The following WLS variants were observed in gnomAD, a reference collection of about 807,000 sequenced individuals.
The protein encoded by WLS is Wnt ligand secretion mediator, also known as protein wntless homolog.
Under a neutral mutation model 62.8 loss-of-function variants are expected in WLS, and 23 were observed. The ratio of observed to expected loss-of-function variants is 0.37; its 90% CI spans 0.26 to 0.52. The LOEUF (loss-of-function observed/expected upper bound fraction) is 0.52, where lower values mean the gene tolerates loss of function less well. WLS is among the 20% of genes least tolerant of loss of function. WLS has a pLI of 0.92. For synonymous variants in WLS, 246 were observed against 244.1 expected (o/e 1.01, Z -0.07); for missense variants, 615 against 697.3 (o/e 0.88, Z 1.33).
intron 11 of WLS, among the ~76,000 whole-genome samples, chr1:68,104,407 C>T (rs1287058144): frequency 1.3e-5 from 2 of 152,172 alleles, no homozygotes; most frequent in African/African-American, 4.8e-5. Context: ...CTGAATATCA[C>T]ATTTGCTCTG....
intron 11 of WLS, among the ~76,000 whole-genome samples, chr1:68,106,716 CTGTGTGTGTGTGTG>C (rs59601112): frequency 4.1e-5 from 6 of 146,712 alleles, no homozygotes; most frequent in South Asian, 2.2e-4. Context: ...GTGTTTGTCA[CTGTGTGTGTGTGTG>C]TGTGTGTGTG....
intron 11 of WLS, chr1:68,099,756 G>C (rs1464074812): frequency 6.6e-6 from 1 of 152,082 alleles, no homozygotes. Flanking sequence ...GTTGGGTGCG[G>C]AACCTGCGGA....
chr1:68,195,274 T>G (rs1182882987), intron 1 of WLS, among the ~76,000 whole-genome samples: 2 of 152,208 alleles, frequency 1.3e-5, no homozygotes, highest in Non-Finnish European at 2.9e-5. Flanking sequence ...CTCTCTCATT[T>G]TTAGTTGTGT....
chr1:68,199,661 G>A (rs1055856429), intron 1 of WLS, among the ~76,000 whole-genome samples: 1 of 152,150 alleles, frequency 6.6e-6, no homozygotes, highest in Non-Finnish European at 1.5e-5. Context: ...TTCTACTAGA[G>A]TGCCTTGGCC....
intron 5 of WLS, among the ~76,000 whole-genome samples, chr1:68,151,378 GA>G (rs954284267): frequency 6.6e-6 from 1 of 152,160 alleles, no homozygotes; most frequent in African/African-American, 2.4e-5. Flanking sequence ...AATTTATCTT[GA>G]AGAGACTTTT....
rs1646294319 is a variant in WLS at position 68,116,559 on chromosome 1, C to T, written c.1511-17806G>A. On this transcript the variant is annotated intron_variant, in intron 11 of 11. Transcript: ENST00000354777. ...CAAGCTCTCTGTGCCAACAATTGTG[C>T]CTACCTCATAGGATTCATTTAAGGA... 2.0e-5 allele frequency among the ~76,000 whole-genome samples: 3 copies of T among 152,220 alleles called. No homozygotes were observed. In the East Asian group the frequency reaches 5.8e-4, roughly 29 times the overall value.
At chr1:68,112,105 T>A (rs943637531) in intron 11 of WLS, among the ~76,000 whole-genome samples, 6 of 152,210 alleles carry the variant, frequency 3.9e-5, no homozygotes, top group Non-Finnish European at 4.4e-5. Flanking sequence ...TTGAGCCAAC[T>A]GGGTCAGCGC....
At chr1:68,183,600 C>T in intron 2 of WLS, 1 of 524,044 alleles carries the variant, frequency 1.9e-6, no homozygotes, top group Non-Finnish European at 3.9e-6. Context: ...TCACCCATCA[C>T]CATTGTAGAT....
intron 6 of WLS, among the ~76,000 whole-genome samples, chr1:68,148,913 C>T (rs971080834): frequency 2.6e-5 from 4 of 152,040 alleles, no homozygotes; most frequent in African/African-American, 9.7e-5. Flanking sequence ...GAACAGGATG[C>T]CATGGGAACA....
chr1:68,116,224 G>A (rs1409582100), intron 11 of WLS, among the ~76,000 whole-genome samples: 1 of 152,152 alleles, frequency 6.6e-6, no homozygotes, highest in Non-Finnish European at 1.5e-5. Flanking sequence ...CTGTACCCAG[G>A]GCCAGCATCA....
chr1:68,230,519 G>A (rs1650355942), intron 1 of WLS, among the ~76,000 whole-genome samples: 1 of 151,914 alleles, frequency 6.6e-6, no homozygotes, highest in Non-Finnish European at 1.5e-5. Context: ...CCAATACGGG[G>A]AAACGAGATT....
intron 1 of WLS, among the ~76,000 whole-genome samples, chr1:68,230,344 T>C (rs1339599451): frequency 1.3e-5 from 2 of 152,130 alleles, no homozygotes; most frequent in Admixed American, 6.5e-5. Flanking sequence ...GAAATTTTAA[T>C]TATGGTCTGC....
At chr1:68,173,387 G>T (rs753762965) in intron 2 of WLS, among the ~76,000 whole-genome samples, 1 of 151,422 alleles carries the variant, frequency 6.6e-6, no homozygotes, top group Non-Finnish European at 1.5e-5. Context: ...TGATTTGATC[G>T]TTGTGAAAAT....
At chr1:68,147,614 T>C (rs1646769761) in intron 8 of WLS, among the ~76,000 whole-genome samples, 1 of 152,176 alleles carries the variant, frequency 6.6e-6, no homozygotes, top group Non-Finnish European at 1.5e-5. Context: ...GAAGATGACT[T>C]AGAGTTTATG....
chr1:68,111,857 T>A (rs1646232952), intron 11 of WLS, among the ~76,000 whole-genome samples: 1 of 152,210 alleles, frequency 6.6e-6, no homozygotes, highest in Non-Finnish European at 1.5e-5. Context: ...GAAGATTTAG[T>A]TGAATTCAAT....
At chr1:68,141,966 G>A (rs1031965800) in intron 10 of WLS, among the ~76,000 whole-genome samples, 12 of 152,114 alleles carry the variant, frequency 7.9e-5, no homozygotes, top group Non-Finnish European at 7.3e-5. Flanking sequence ...AATCCACTCC[G>A]GGCCGACTGT....
chr1:68,170,725 C>T (rs1219117648), intron 2 of WLS, among the ~76,000 whole-genome samples: 2 of 151,934 alleles, frequency 1.3e-5, no homozygotes, highest in Non-Finnish European at 1.5e-5. Context: ...CCCCTTGCTC[C>T]CACAGTACCT....
chr1:68,163,227 T>C (rs941602418), intron 2 of WLS: 2 of 577,848 alleles, frequency 3.5e-6, no homozygotes, highest in East Asian at 2.9e-5. Flanking sequence ...ATCTGTACAC[T>C]ATAAATCTAT....
intron 2 of WLS, among the ~76,000 whole-genome samples, chr1:68,166,920 A>G (rs755809354): frequency 6.6e-6 from 1 of 152,186 alleles, no homozygotes; most frequent in Non-Finnish European, 1.5e-5. Flanking sequence ...ATAGTCTCAT[A>G]GCATCCTGCC....
Sources: allele counts gnomAD v4.1 joint callset (sites outside exome capture counted in the v4.1 genomes callset), GRCh38; gene constraint gnomAD v4.1.1; transcripts MANE v1.5; gene names NCBI Gene and HGNC (gene_info 2026-07-23, HGNC 2026-07-21).